Variants in PISD observed in about 807,000 individuals in gnomAD.
PISD encodes the protein phosphatidylserine decarboxylase proenzyme, mitochondrial.
Under a neutral mutation model 43.5 loss-of-function variants are expected in PISD, and 31 were observed. The observed-to-expected ratio is 0.71, with a 90% CI of 0.54 to 0.96. The LOEUF (loss-of-function observed/expected upper bound fraction) is 0.96, where lower values mean the gene tolerates loss of function less well. Ranked by LOEUF, PISD falls within the 40% of genes least tolerant of loss-of-function variation. The probability of loss-of-function intolerance (pLI) is 0.00; values close to 1 mark genes in which losing one functional copy is unlikely to be tolerated. For synonymous variants in PISD, 259 were observed against 228.7 expected, an observed-to-expected ratio of 1.13 and a Z score of -1.20; for missense variants, 523 against 548.4, an observed-to-expected ratio of 0.95 and a Z score of 0.46.
chr22:31,622,912 C>A (rs571033035), intron 3 of PISD, among the ~76,000 whole-genome samples: 289 of 152,360 alleles, frequency 1.9e-3, no homozygotes, highest in Non-Finnish European at 3.2e-3. Flanking sequence ...AAACTGATTT[C>A]ATTCCAACTT....
At chr22:31,627,907 A>G (rs1210074204) in intron 3 of PISD, 2 of 472,996 alleles carry the variant, frequency 4.2e-6, no homozygotes, top group African/African-American at 4.2e-5. Flanking sequence ...GAATCAAGGC[A>G]CATGAGGCCA....
chr22:31,653,038 TAA>T (rs36011234), intron 1 of PISD, among the ~76,000 whole-genome samples: 10,655 of 114,310 alleles, frequency 0.093, 419 homozygotes, highest in African/African-American at 0.15. Context: ...GACCCTACCT[TAA>T]AAAAAAAAAA....
At chr22:31,638,434 G>C (rs1042274990) in intron 3 of PISD, 36 of 983,814 alleles carry the variant, frequency 3.7e-5, no homozygotes, top group East Asian at 2.3e-4. Flanking sequence ...GGCGAGGAAG[G>C]GGGGATGAAG....
At chr22:31,632,306 T>C in intron 3 of PISD, 7 of 936,606 alleles carry the variant, frequency 7.5e-6, no homozygotes, top group Non-Finnish European at 8.9e-6. Flanking sequence ...AATGCACCCA[T>C]GGGAACAGGG....
At chr22:31,662,095 TG>T in intron 1 of PISD, 48 bp downstream of exon 1, 1 of 1,510,880 alleles carries the variant, frequency 6.6e-7, no homozygotes. Context: ...GACCCCAGCT[TG>T]GTCCAGGTTG....
rs775401388 is a variant in PISD, at chr22:31,621,163, T to TG, written c.698-22dup. ...CGCGGCTGTGGAGTAGGAGCAGACG[T>TG]GGGGGCCACCAACACAGTGAGCACC... On this transcript the variant is annotated intron_variant, in intron 5 of 7. Coordinates refer to ENST00000439502, the MANE Select transcript of PISD (RefSeq NM_001326411.2). 4.3e-6 allele frequency: 7 copies of TG among 1,613,638 alleles called. No homozygotes were observed. The African/African-American group carries it at 5.3e-5, about 12-fold the overall frequency.
At chr22:31,643,227 C>T (rs1322632298) in intron 3 of PISD, among the ~76,000 whole-genome samples, 1 of 152,062 alleles carries the variant, frequency 6.6e-6, no homozygotes, top group Non-Finnish European at 1.5e-5. Context: ...CCCCTGTTTT[C>T]CAACATTCTG....
rs1035169731 is a variant in PISD at position 31,630,215 on chromosome 22, C to T, written c.322-8330G>A. Among the ~76,000 whole-genome samples the T allele has an allele frequency of 6.6e-6, 1 of 152,058 alleles. No homozygotes were observed. The highest frequency in any genetic ancestry group is 1.5e-5 in the Non-Finnish European group (1 of 67,996). On this transcript the variant is annotated intron_variant, in intron 3 of 7. Transcript: ENST00000439502. This position sits in a 1 kb window ranked among gnomAD's most constrained non-coding sequence, Gnocchi z 4.4. ...GGCCCTGGGAAGAGGGCAGGCAGGA[C>T]TCGCAGGGGTCTATCCTAGCCGCCC...
At chr22:31,659,088 A>G (rs1372495561) in intron 1 of PISD, among the ~76,000 whole-genome samples, 1 of 152,082 alleles carries the variant, frequency 6.6e-6, no homozygotes. Flanking sequence ...TCCTGAGCTC[A>G]TGCAATCCAC....
At chr22:31,620,089 C>T (rs771279759) in intron 7 of PISD, among the ~76,000 whole-genome samples, 6 of 152,206 alleles carry the variant, frequency 3.9e-5, no homozygotes, top group Non-Finnish European at 5.9e-5. Context: ...GGTCTCCATG[C>T]ATGGTGCTGG....
At chr22:31,619,919 C>CAAA in intron 7 of PISD, 83 bp from the exon 8 acceptor site, 1 of 894,026 alleles carries the variant, frequency 1.1e-6, no homozygotes, top group Non-Finnish European at 1.7e-6. Context: ...AGTCCCACTC[C>CAAA]CTCTGTTGCT....
chr22:31,648,223 G>A lies in PISD; in HGVS notation c.199C>T (p.Leu67=), dbSNP rs774071660. 4 of 1,612,146 alleles carry A rather than the reference G, an allele frequency of 2.5e-6. No homozygotes were observed. In the South Asian group the frequency reaches 4.4e-5, roughly 18 times the overall value. Reference sequence around the variant, plus strand: ...CCGCCTGTCACCAACAGAATGGGCAGGGGACGCAGCAGGAACATGGTTCGG... The same window carrying A: ...CCGCCTGTCACCAACAGAATGGGCAAGGGACGCAGCAGGAACATGGTTCGG... The part of the protein sequence containing the change: ...PARTMFLLRP[L]PILLVTGGGY... The change falls in exon 3 of 8, where the codon CTG becomes TTG. Residue 67 remains leucine, a synonymous_variant. Coordinates refer to ENST00000439502, the MANE Select transcript of PISD (RefSeq NM_001326411.2).
chr22:31,640,584 T>TG (rs2073670472), intron 3 of PISD, among the ~76,000 whole-genome samples: 3 of 137,216 alleles, frequency 2.2e-5, no homozygotes, highest in African/African-American at 5.4e-5. Flanking sequence ...TGTTTTTTTT[T>TG]TTTTTTTTTT....
chr22:31,629,290 G>T, intron 3 of PISD: 1 of 904,306 alleles, frequency 1.1e-6, no homozygotes. Context: ...GTGTGCAGGT[G>T]CAAGGGTATG....
chr22:31,660,406 A>ACTCT (rs780775492), intron 1 of PISD, among the ~76,000 whole-genome samples: 17 of 152,200 alleles, frequency 1.1e-4, no homozygotes, highest in Non-Finnish European at 1.9e-4. Context: ...TAATGCCAGC[A>ACTCT]CTTAGAGAGG....
intron 3 of PISD, among the ~76,000 whole-genome samples, chr22:31,638,140 T>G (rs1601398479): frequency 6.6e-6 from 1 of 152,202 alleles, no homozygotes. Flanking sequence ...CCCTTGGCTG[T>G]GGGGCTGCTG....
intron 3 of PISD, chr22:31,629,877 G>C (rs2073114670): frequency 6.6e-6 from 1 of 152,074 alleles, no homozygotes; most frequent in African/African-American, 2.4e-5. Context: ...CTGTCTGATG[G>C]GAAGCGCCTG....
At chr22:31,647,464 T>C (rs2073916763) in intron 3 of PISD, among the ~76,000 whole-genome samples, 1 of 152,190 alleles carries the variant, frequency 6.6e-6, no homozygotes, top group South Asian at 2.1e-4. Flanking sequence ...CTATTACTGG[T>C]CCTTTGATAT....
At chr22:31,625,182 A>G (rs993872694) in intron 3 of PISD, among the ~76,000 whole-genome samples, 1 of 152,230 alleles carries the variant, frequency 6.6e-6, no homozygotes. Flanking sequence ...CGGCAGGCGA[A>G]CCAGTGGCGA....
Sources: gnomAD v4.1 joint callset for allele counts (sites outside exome capture counted in the v4.1 genomes callset) on GRCh38, gnomAD v4.1.1 for gene constraint, Gnocchi (gnomAD v3.1) non-coding constraint, MANE v1.5 for transcripts, NCBI Gene and HGNC (gene_info 2026-07-23, HGNC 2026-07-21) for gene names.